The following DGKB variants were observed in gnomAD, a reference collection of about 807,000 sequenced individuals.
DGKB encodes the protein diacylglycerol kinase beta, also known as 90 kDa diacylglycerol kinase.
In DGKB, 67 loss-of-function variants were observed where a neutral mutation model predicts 114.3. The observed-to-expected ratio is 0.59, with a 90% confidence interval of 0.48 to 0.72. The LOEUF (loss-of-function observed/expected upper bound fraction) is 0.72, where lower values mean the gene tolerates loss of function less well. Ranked by LOEUF, DGKB falls within the 30% of genes least tolerant of loss-of-function variation. DGKB has a pLI of 0.00. For synonymous variants in DGKB, 398 were observed against 323.1 expected, an observed-to-expected ratio of 1.23 and a Z score of -2.49; for missense variants, 907 against 975.2, an observed-to-expected ratio of 0.93 and a Z score of 0.93.
chr7:14,874,600 C>T (rs898573991), intron 1 of DGKB, among the ~76,000 whole-genome samples: 1 of 151,986 alleles, frequency 6.6e-6, no homozygotes, highest in African/African-American at 2.4e-5. Context: ...CACACACACA[C>T]ACATATCTAT....
At chr7:14,455,686 C>A (rs1032380304) in intron 21 of DGKB, among the ~76,000 whole-genome samples, 1 of 151,902 alleles carries the variant, frequency 6.6e-6, no homozygotes. Context: ...GTAATTGAGT[C>A]GGAACATTTA....
At chr7:14,196,259 C>G (rs1562588913) in intron 23 of DGKB, among the ~76,000 whole-genome samples, 1 of 152,068 alleles carries the variant, frequency 6.6e-6, no homozygotes, top group Non-Finnish European at 1.5e-5. Flanking sequence ...CATTGCCTCA[C>G]CATTTAAAGA....
At chr7:14,500,921 C>A (rs902677229) in intron 20 of DGKB, among the ~76,000 whole-genome samples, 19 of 151,582 alleles carry the variant, frequency 1.3e-4, no homozygotes, top group African/African-American at 4.4e-4. Context: ...CATTTCTAGG[C>A]AAAATGTAGA....
intron 23 of DGKB, among the ~76,000 whole-genome samples, chr7:14,313,453 T>G (rs1277123470): frequency 2.0e-5 from 3 of 152,138 alleles, no homozygotes; most frequent in Non-Finnish European, 4.4e-5. Context: ...AGGCATTGCC[T>G]CACTCGGGAA....
intron 4 of DGKB, among the ~76,000 whole-genome samples, chr7:14,744,584 A>G (rs993082063): frequency 3.9e-5 from 6 of 152,218 alleles, no homozygotes; most frequent in Non-Finnish European, 7.3e-5. Flanking sequence ...TGGGCTTTCC[A>G]AAGTCCTATC....
At chr7:14,836,848 T>C (rs1198426604) in intron 2 of DGKB, among the ~76,000 whole-genome samples, 1 of 152,188 alleles carries the variant, frequency 6.6e-6, no homozygotes, top group Non-Finnish European at 1.5e-5. Flanking sequence ...CACCAGAAGC[T>C]TCTACCTTGT....
intron 20 of DGKB, among the ~76,000 whole-genome samples, chr7:14,527,247 A>T (rs1447197890): frequency 1.3e-5 from 2 of 152,164 alleles, no homozygotes; most frequent in Admixed American, 6.6e-5. Flanking sequence ...GTCCAATGAC[A>T]GATAATCTTT....
At chr7:14,275,997 TGCTA>T (rs1217902082) in intron 23 of DGKB, among the ~76,000 whole-genome samples, 12 of 152,222 alleles carry the variant, frequency 7.9e-5, no homozygotes, top group Admixed American at 3.9e-4. Context: ...TGCTTTTAGT[TGCTA>T]GCCTCACATA....
At chr7:14,662,244 T>C (rs1435151059) in intron 13 of DGKB, among the ~76,000 whole-genome samples, 1 of 150,746 alleles carries the variant, frequency 6.6e-6, no homozygotes, top group Non-Finnish European at 1.5e-5. Context: ...AAAAGAGATA[T>C]GAGAGTTGGC....
intron 13 of DGKB, among the ~76,000 whole-genome samples, chr7:14,665,494 T>C (rs1293139700): frequency 6.6e-6 from 1 of 151,976 alleles, no homozygotes; most frequent in Non-Finnish European, 1.5e-5. Flanking sequence ...ATAATAAACC[T>C]GTACATGGAC....
intron 25 of DGKB, among the ~76,000 whole-genome samples, chr7:14,169,853 A>T (rs1251711068): frequency 6.6e-6 from 1 of 152,082 alleles, no homozygotes; most frequent in Non-Finnish European, 1.5e-5. Context: ...ACATTAAGGC[A>T]GCCAGGTGCC....
intron 20 of DGKB, among the ~76,000 whole-genome samples, chr7:14,567,123 A>C (rs1797514975): frequency 9.0e-6 from 1 of 110,586 alleles, no homozygotes; most frequent in Non-Finnish European, 1.7e-5. Context: ...TATTATATAA[A>C]TATATAATTA....
chr7:14,422,918 A>G (rs10232711), intron 21 of DGKB, among the ~76,000 whole-genome samples: 67 of 152,122 alleles, frequency 4.4e-4, no homozygotes, highest in African/African-American at 1.5e-3. Flanking sequence ...TTATTCCCCA[A>G]TTAAATCTAC....
At chr7:14,886,442 A>G (rs188923659) in intron 1 of DGKB, among the ~76,000 whole-genome samples, 1 of 151,944 alleles carries the variant, frequency 6.6e-6, no homozygotes, top group Admixed American at 6.6e-5. Flanking sequence ...AGACACAAAA[A>G]TAACAGCAAA....
chr7:14,741,407 A>G (rs1053614471), intron 4 of DGKB, among the ~76,000 whole-genome samples: 7 of 152,166 alleles, frequency 4.6e-5, no homozygotes, highest in Non-Finnish European at 8.8e-5. Context: ...ATGTCTTTCT[A>G]TATGGTTCTG....
intron 20 of DGKB, among the ~76,000 whole-genome samples, chr7:14,569,997 C>G (rs529030996): frequency 6.6e-6 from 1 of 151,142 alleles, no homozygotes; most frequent in African/African-American, 2.4e-5. Flanking sequence ...TAAGCATATA[C>G]TAGTGAATAT....
intron 1 of DGKB, among the ~76,000 whole-genome samples, chr7:14,899,474 T>C (rs1001145790): frequency 6.6e-6 from 1 of 152,166 alleles, no homozygotes; most frequent in Non-Finnish European, 1.5e-5. Context: ...CCAAAGAGTT[T>C]GTTATTTAGT....
intron 17 of DGKB, among the ~76,000 whole-genome samples, chr7:14,586,366 AG>A (rs34256690): frequency 0.49 from 74,007 of 151,660 alleles, 18,199 homozygotes; most frequent in African/African-American, 0.52. Flanking sequence ...AATTGTATGA[AG>A]GCTGAGAGAT....
intron 23 of DGKB, among the ~76,000 whole-genome samples, chr7:14,183,071 T>C (rs1258337658): frequency 1.3e-5 from 2 of 152,190 alleles, no homozygotes; most frequent in African/African-American, 4.8e-5. Context: ...TATTGAGCCA[T>C]TATTTGGCCA....
Sources: gnomAD v4.1 joint callset for allele counts (sites outside exome capture counted in the v4.1 genomes callset) on GRCh38, gnomAD v4.1.1 for gene constraint, MANE v1.5 for transcripts, NCBI Gene and HGNC (gene_info 2026-07-23, HGNC 2026-07-21) for gene names.